Variants in FRY observed in about 807,000 individuals in gnomAD.
FRY encodes the protein FRY microtubule binding protein, also known as protein furry homolog.
A neutral mutation model predicts 348.4 loss-of-function variants in FRY; 128 were observed. That is an observed-to-expected ratio of 0.37 (90% CI 0.32 to 0.43). The LOEUF (loss-of-function observed/expected upper bound fraction) is 0.43, where lower values mean the gene tolerates loss of function less well. Ranked by LOEUF, FRY falls within the 20% of genes least tolerant of loss-of-function variation. The pLI is 1.00. For synonymous variants in FRY, 1,370 were observed against 1,374.7 expected, an observed-to-expected ratio of 1.00 and a Z score of 0.08; for missense variants, 2,736 against 3,695.2, an observed-to-expected ratio of 0.74 and a Z score of 6.73.
chr13:32,276,490 G>C lies in FRY; in HGVS notation c.8313G>C (p.Lys2771Asn). 4 of 1,602,356 alleles carry C rather than the reference G, an allele frequency of 2.5e-6. No individual in the cohort carries two copies. Among genetic ancestry groups the C allele is most frequent in the Admixed American group, 1.7e-5 (1 of 60,018 alleles). Residue 2771 changes from lysine to asparagine, a missense_variant, in exon 57 of 61, where the codon AAG becomes AAC. Coordinates refer to ENST00000542859, the MANE Select transcript of FRY (RefSeq NM_023037.3). ...TCCTTTCATGTGGACTTCTGGACAA[G>C]CTCAAGTTCAGTGTGTTAGAACTGC... The part of the protein sequence containing the change: ...ETLLSCGLLD[K>N]LKFSVLELQE...
At chr13:32,032,023 T>TTCTTTCTTTC (rs1182595636) in intron 1 of FRY, among the ~76,000 whole-genome samples, 158 bp downstream of exon 1, 1 of 134,042 alleles carries the variant, frequency 7.5e-6, no homozygotes, top group African/African-American at 3.1e-5. Flanking sequence ...CTTTCTTTCT[T>TTCTTTCTTTC]TTTCTTTCTT....
At position 32,210,876 on chromosome 13, in the gene FRY, T is replaced by G; in HGVS notation, c.4433T>G (p.Val1478Gly). ...TTTTTTCCTTCTCAGATTAAAAAAGTGGCAATATACTTGTGCCGTAACAAC... is the reference window on the plus strand; with the variant it reads ...TTTTTTCCTTCTCAGATTAAAAAAGGGGCAATATACTTGTGCCGTAACAAC... ...DTVLLPYIKK[V>G]AIYLCRNNTI... is the part of the protein sequence containing the mutation. The change falls in exon 34 of 61, where the codon GTG becomes GGG. Residue 1478 changes from valine (V) to glycine (G), a missense_variant. By Grantham distance (109) the Val-to-Gly change is moderately radical. Coordinates refer to ENST00000542859, the MANE Select transcript of FRY (RefSeq NM_023037.3). 6.2e-7 allele frequency: 1 copy of G among 1,613,884 alleles called. No homozygotes were observed. The highest frequency in any genetic ancestry group is 1.1e-5 in the South Asian group (1 of 91,070).
chr13:32,095,084 C>T (rs117778332), intron 2 of FRY, among the ~76,000 whole-genome samples: 4,774 of 152,236 alleles, frequency 0.031, 124 homozygotes, highest in South Asian at 0.072. Context: ...TTTTGACTTG[C>T]ATTTCTCTGA....
chr13:32,145,229 C>G (rs1036649636), intron 11 of FRY, among the ~76,000 whole-genome samples: 4 of 152,148 alleles, frequency 2.6e-5, no homozygotes, highest in Non-Finnish European at 5.9e-5. Context: ...ACCAGAGAAA[C>G]TACCGATTCT....
At chr13:32,211,185 A>G (rs1306213414) in intron 34 of FRY, 151 bp downstream of exon 34, 8 of 795,118 alleles carry the variant, frequency 1.0e-5, no homozygotes, top group African/African-American at 1.7e-5. Flanking sequence ...TAACTGAGAC[A>G]TGGGCTGGGC....
At chr13:32,049,655 C>G (rs1873219180) in intron 1 of FRY, among the ~76,000 whole-genome samples, 1 of 152,162 alleles carries the variant, frequency 6.6e-6, no homozygotes, top group East Asian at 1.9e-4. Context: ...TTCAGGGACT[C>G]TGCACTGAGA....
chr13:32,066,969 G>A (rs1333683342), intron 1 of FRY, among the ~76,000 whole-genome samples: 1 of 152,214 alleles, frequency 6.6e-6, no homozygotes. Context: ...AATATTAAGT[G>A]AGCACAGTTA....
At chr13:32,146,029 C>T (rs1373116693) in intron 11 of FRY, among the ~76,000 whole-genome samples, 1 of 152,136 alleles carries the variant, frequency 6.6e-6, no homozygotes, top group Non-Finnish European at 1.5e-5. Context: ...CCTCTCAAGC[C>T]TCACCACCTA....
chr13:32,244,129 C>A lies in FRY; in HGVS notation c.6775C>A (p.Pro2259Thr). The A allele has an allele frequency of 6.2e-7, 1 of 1,613,812 alleles. No homozygotes were observed. The highest frequency in any genetic ancestry group is 1.1e-5 in the South Asian group (1 of 91,076). Residue 2259 changes from proline to threonine, a missense_variant, in exon 47 of 61, where the codon CCT becomes ACT. Pro to Thr is a conservative substitution (Grantham distance 38). This residue lies in a region of FRY where 789 missense variants were observed against 996.2 expected (regional missense o/e 0.79). Transcript: ENST00000542859. ...CAGCTACATGGACCTTTCTGTCGTT[C>A]CTGTCAAACAGTTCAATGTGGAAGT... The part of the protein sequence containing the change: ...LLSYMDLSVV[P>T]VKQFNVEVLK...
chr13:32,213,786 G>A (rs1339460257), intron 35 of FRY, among the ~76,000 whole-genome samples: 4 of 152,206 alleles, frequency 2.6e-5, no homozygotes, highest in Non-Finnish European at 5.9e-5. Flanking sequence ...ACAAAGGCCT[G>A]TTTAGGGCCA....
intron 41 of FRY, 74 bp from the exon 42 acceptor site, chr13:32,234,500 A>T (rs1183868115): frequency 1.5e-6 from 2 of 1,299,190 alleles, no homozygotes; most frequent in Non-Finnish European, 1.1e-6. Flanking sequence ...CCTGTTTTAA[A>T]CTTAGAGGTA....
intron 1 of FRY, among the ~76,000 whole-genome samples, chr13:32,070,471 T>C (rs559484145): frequency 6.6e-6 from 1 of 152,340 alleles, no homozygotes; most frequent in South Asian, 2.1e-4. Flanking sequence ...TAACCAGTGA[T>C]GATGAGCATT....
intron 58 of FRY, among the ~76,000 whole-genome samples, chr13:32,279,563 A>G (rs1419877821): frequency 6.6e-6 from 1 of 152,224 alleles, no homozygotes; most frequent in African/African-American, 2.4e-5. Flanking sequence ...TACTGTGGAA[A>G]CAGCTCAAAG....
intron 39 of FRY, among the ~76,000 whole-genome samples, chr13:32,226,701 C>T (rs949450789): frequency 2.0e-5 from 3 of 152,086 alleles, no homozygotes; most frequent in Non-Finnish European, 2.9e-5. Flanking sequence ...AGCTGTGGTG[C>T]GACATTTCAC....
At chr13:32,061,727 C>T (rs998186202) in intron 1 of FRY, among the ~76,000 whole-genome samples, 6 of 152,028 alleles carry the variant, frequency 3.9e-5, no homozygotes, top group African/African-American at 1.4e-4. Flanking sequence ...AACAGGACAC[C>T]GTATGTTAAC....
intron 1 of FRY, chr13:32,061,098 G>A (rs1873915828): frequency 1.9e-6 from 1 of 533,132 alleles, no homozygotes; most frequent in Non-Finnish European, 3.8e-6. Flanking sequence ...TTTCTTTTCA[G>A]GCTCATGGAG....
At chr13:32,109,539 A>G (rs1033582200) in intron 3 of FRY, among the ~76,000 whole-genome samples, 3 of 152,184 alleles carry the variant, frequency 2.0e-5, no homozygotes, top group African/African-American at 7.2e-5. Context: ...GGGCCAGGGT[A>G]TGCCAGGCAG....
At chr13:32,112,985 A>C (rs2138676352) in intron 3 of FRY, among the ~76,000 whole-genome samples, 1 of 152,344 alleles carries the variant, frequency 6.6e-6, no homozygotes, top group South Asian at 2.1e-4. Flanking sequence ...CTAAGATGTT[A>C]AAATCAAAGA....
chr13:32,127,728 G>A (rs932973576), intron 7 of FRY, among the ~76,000 whole-genome samples: 3 of 151,996 alleles, frequency 2.0e-5, no homozygotes, highest in East Asian at 1.9e-4. Context: ...GTAGTGAGCC[G>A]AGATCGTGCC....
Sources: allele counts gnomAD v4.1 joint callset (sites outside exome capture counted in the v4.1 genomes callset), GRCh38; gene constraint gnomAD v4.1.1; regional missense constraint gnomAD v4.1.1; transcripts MANE v1.5; gene names NCBI Gene and HGNC (gene_info 2026-07-23, HGNC 2026-07-21).